PRELID2: variants seen among roughly 807,000 people sequenced by gnomAD.
PRELID2 encodes PRELI domain containing 2.
PRELID2 carries 25 observed loss-of-function variants against 28.4 expected under a neutral mutation model. The ratio of observed to expected loss-of-function variants is 0.88; its 90% CI spans 0.64 to 1.23. The LOEUF (loss-of-function observed/expected upper bound fraction) is 1.23. Among genes scored for constraint, PRELID2 ranks in the 50% most tolerant of loss-of-function variants. The pLI is 0.00. For synonymous variants in PRELID2, 76 were observed against 71.6 expected, an observed-to-expected ratio of 1.06 and a Z score of -0.31; for missense variants, 201 against 214.4, an observed-to-expected ratio of 0.94 and a Z score of 0.39.
At chr5:145,427,588 C>T in the PRELID2 span, among the ~76,000 whole-genome samples, 2 of 152,182 alleles carry the variant, frequency 1.3e-5, no homozygotes, top group South Asian at 2.1e-4. Context: ...GTATTTAGTC[C>T]CTGCTGTGAA....
At chr5:145,433,828 T>C in the PRELID2 span, among the ~76,000 whole-genome samples, 2 of 152,196 alleles carry the variant, frequency 1.3e-5, no homozygotes, top group Non-Finnish European at 2.9e-5. Flanking sequence ...GCTGGTACTG[T>C]ATCTATGTTG....
intron 1 of PRELID2, among the ~76,000 whole-genome samples, chr5:145,609,252 C>T (rs1753572648): frequency 6.6e-6 from 1 of 152,216 alleles, no homozygotes; most frequent in African/African-American, 2.4e-5. Flanking sequence ...TTCTGAATTA[C>T]ATTTCTGACA....
chr5:145,457,121 G>C, the PRELID2 span, among the ~76,000 whole-genome samples: 1 of 152,100 alleles, frequency 6.6e-6, no homozygotes, highest in Non-Finnish European at 1.5e-5. Flanking sequence ...GCTGAGGGAA[G>C]GTGGGGAAAG....
chr5:145,280,019 G>T, the PRELID2 span, among the ~76,000 whole-genome samples: 4 of 151,904 alleles, frequency 2.6e-5, no homozygotes, highest in Non-Finnish European at 4.4e-5. Flanking sequence ...CACGTTTTTC[G>T]TTAAGATACC....
At chr5:145,537,607 G>C (rs1752710602) in intron 1 of PRELID2, among the ~76,000 whole-genome samples, 1 of 151,618 alleles carries the variant, frequency 6.6e-6, no homozygotes, top group Non-Finnish European at 1.5e-5. Context: ...TTTGTCATTT[G>C]TGTTGTCTTG....
chr5:145,703,773 C>A (rs1228211388), intron 1 of PRELID2: 1 of 152,188 alleles, frequency 6.6e-6, no homozygotes, highest in African/African-American at 2.4e-5. Flanking sequence ...CATCACACAA[C>A]AAATTTCCCC....
At chr5:145,714,382 T>C (rs1581089769) in intron 1 of PRELID2, among the ~76,000 whole-genome samples, 1 of 152,260 alleles carries the variant, frequency 6.6e-6, no homozygotes, top group African/African-American at 2.4e-5. Flanking sequence ...AAGCTTGTAT[T>C]AATATCCTTC....
At chr5:145,578,625 T>C (rs898169701) in intron 1 of PRELID2, among the ~76,000 whole-genome samples, 1 of 152,116 alleles carries the variant, frequency 6.6e-6, no homozygotes, top group Non-Finnish European at 1.5e-5. Flanking sequence ...AATACAGATA[T>C]AGTTTTATGA....
At chr5:145,508,810 G>A (rs933336287) in intron 1 of PRELID2, among the ~76,000 whole-genome samples, 5 of 152,132 alleles carry the variant, frequency 3.3e-5, no homozygotes, top group Non-Finnish European at 7.4e-5. Context: ...CTTGAGGGGT[G>A]GGAACAGAAT....
Position 145,663,827 on chromosome 5 carries a change from C to T in PRELID2, n.70+101104G>A, listed in dbSNP as rs713326. Among the ~76,000 whole-genome samples the T allele has an allele frequency of 2.3e-3, 354 of 152,122 alleles. 10 individuals are homozygous for T. In the East Asian group the frequency reaches 0.057, roughly 25 times the overall value. The stretch of plus-strand genomic sequence containing the variant: ...CAGAACCCAATGCATAGTGTTATTC[C>T]GAGGACTAATTGAAGAGATTCCTAT... On this transcript the variant is annotated intron_variant and non_coding_transcript_variant, in intron 1 of 2. Coordinates refer to the PRELID2 transcript ENST00000510259.
the PRELID2 span, among the ~76,000 whole-genome samples, chr5:145,458,382 G>T: frequency 6.6e-6 from 1 of 152,122 alleles, no homozygotes; most frequent in Non-Finnish European, 1.5e-5. Context: ...ACTATGTATT[G>T]TTAGTTTAAG....
intron 4 of PRELID2, among the ~76,000 whole-genome samples, chr5:145,814,843 T>C (rs1350730445): frequency 6.6e-6 from 1 of 152,260 alleles, no homozygotes; most frequent in Non-Finnish European, 1.5e-5. Context: ...TCACCCATTA[T>C]ACTGGCAAAA....
chr5:145,552,294 C>T (rs1683880063), intron 1 of PRELID2, among the ~76,000 whole-genome samples: 1 of 152,040 alleles, frequency 6.6e-6, no homozygotes, highest in South Asian at 2.1e-4. Flanking sequence ...AGCCACCAGG[C>T]CTTTGTTAAA....
At chr5:145,232,178 A>G in the PRELID2 span, among the ~76,000 whole-genome samples, 1 of 151,910 alleles carries the variant, frequency 6.6e-6, no homozygotes, top group Non-Finnish European at 1.5e-5. Context: ...TACAGAAAGT[A>G]TCTTTTCAAA....
chr5:145,691,547 T>TACAA (rs544049358), intron 1 of PRELID2, among the ~76,000 whole-genome samples: 22 of 152,000 alleles, frequency 1.4e-4, no homozygotes, highest in African/African-American at 2.2e-4. Flanking sequence ...CTACTAAAAA[T>TACAA]ACAAACAAAC....
intron 5 of PRELID2, among the ~76,000 whole-genome samples, chr5:145,792,300 T>G (rs546635746): frequency 1.8e-4 from 28 of 152,302 alleles, no homozygotes; most frequent in African/African-American, 6.7e-4. Context: ...TCAGTTTCCC[T>G]ATGCATAAAA....
intron 4 of PRELID2, among the ~76,000 whole-genome samples, chr5:145,812,598 C>T (rs189558331): frequency 6.6e-6 from 1 of 152,314 alleles, no homozygotes; most frequent in East Asian, 1.9e-4. Context: ...GCACTTAGAG[C>T]AGAGCCTGCA....
chr5:145,813,796 T>A (rs987436322), intron 4 of PRELID2, among the ~76,000 whole-genome samples: 1 of 151,830 alleles, frequency 6.6e-6, no homozygotes, highest in Non-Finnish European at 1.5e-5. Flanking sequence ...AAAAAAAAAA[T>A]TTAACTGGTC....
At chr5:145,366,340 G>A in the PRELID2 span, among the ~76,000 whole-genome samples, 2 of 151,774 alleles carry the variant, frequency 1.3e-5, no homozygotes, top group Non-Finnish European at 1.5e-5. Flanking sequence ...CTTCCAAAAA[G>A]GGCCGATTAT....
Sources: gnomAD v4.1 joint callset for allele counts (sites outside exome capture counted in the v4.1 genomes callset) on GRCh38, gnomAD v4.1.1 for gene constraint, MANE v1.5 for transcripts, NCBI Gene and HGNC (gene_info 2026-07-23, HGNC 2026-07-21) for gene names.